Variants in SLC25A13 observed in about 807,000 individuals in gnomAD.
The protein encoded by SLC25A13 is electrogenic aspartate/glutamate antiporter SLC25A13, mitochondrial.
SLC25A13 carries 70 observed loss-of-function variants against 85.5 expected under a neutral mutation model. The observed-to-expected ratio is 0.82, with a 90% CI of 0.68 to 1.00. The LOEUF (loss-of-function observed/expected upper bound fraction) is 1.00. Ranked by LOEUF, SLC25A13 falls within the 50% of genes least tolerant of loss-of-function variation. The pLI is 0.00. For synonymous variants in SLC25A13, 259 were observed against 288.7 expected (o/e 0.90, Z 1.04); for missense variants, 765 against 819.8 (o/e 0.93, Z 0.82).
intron 3 of SLC25A13, among the ~76,000 whole-genome samples, chr7:96,270,874 T>A (rs1798214974): frequency 6.6e-6 from 1 of 152,164 alleles, no homozygotes. Flanking sequence ...TCTTCCAGCA[T>A]CTGGTGACTC....
chr7:96,125,660 G>A (rs542359884), intron 15 of SLC25A13, among the ~76,000 whole-genome samples: 5 of 151,652 alleles, frequency 3.3e-5, no homozygotes, highest in Non-Finnish European at 7.4e-5. Context: ...CTATGAAACA[G>A]ATGTTAGATT....
chr7:96,175,228 G>A (rs929910596), intron 11 of SLC25A13, among the ~76,000 whole-genome samples: 1 of 152,188 alleles, frequency 6.6e-6, no homozygotes, highest in East Asian at 1.9e-4. Flanking sequence ...ATGAGACAAT[G>A]AGCAGAATGG....
chr7:96,155,698 C>T (rs1311367486), intron 13 of SLC25A13, among the ~76,000 whole-genome samples: 4 of 152,188 alleles, frequency 2.6e-5, no homozygotes, highest in Non-Finnish European at 5.9e-5. Context: ...TGAATAACTA[C>T]GGCCCTGCAA....
chr7:96,234,824 A>G lies in SLC25A13; in HGVS notation c.306T>C (p.Ala102=), dbSNP rs565008080. Residue 102 remains alanine, a synonymous_variant, in exon 4 of 18, where the codon GCT becomes GCC. Transcript: ENST00000265631. ...FMVAFQLFDK[A]GKGEVTFEDV... is the part of the protein sequence containing the mutation. Reference sequence around the variant, plus strand: ...TACCAAAAGTTACTTCTCCTTTGCCAGCTTTGTCAAACAGCTGAAAGGCTA... The same window carrying G: ...TACCAAAAGTTACTTCTCCTTTGCCGGCTTTGTCAAACAGCTGAAAGGCTA... 5.7e-5 allele frequency: 92 copies of G among 1,613,916 alleles called. 3 individuals carry two copies. The South Asian group carries it at 9.7e-4, about 17-fold the overall frequency.
Position 96,238,027 on chromosome 7 carries a change from A to G in SLC25A13, c.213-3110T>C, listed in dbSNP as rs532047345. Among the ~76,000 whole-genome samples, 4 of 152,280 alleles carry G rather than the reference A, an allele frequency of 2.6e-5. No homozygotes were observed. In the East Asian group the frequency reaches 7.7e-4, roughly 29 times the overall value. On this transcript the variant is annotated intron_variant, in intron 3 of 17. Transcript: ENST00000265631. ...GGCAGAACTGTGTCCCCCGTCCCCA[A>G]AAATCCCAACCCCTAGAACCTCAGA...
rs541806705 is a variant in SLC25A13 at position 96,184,498 on chromosome 7, T to A, written c.1019-63A>T. 63 of 1,512,176 alleles carry A rather than the reference T, an allele frequency of 4.2e-5. No homozygotes were observed. The African/African-American group carries it at 7.9e-4, about 19-fold the overall frequency. The allele number at this position is 1,512,176 out of a possible 1,614,324, so 93.7% of individuals were successfully genotyped here. A position where few individuals can be genotyped will look rare whatever the true frequency, so the allele number is the denominator to read the frequency against. On this transcript the variant is annotated intron_variant, in intron 10 of 17. Coordinates refer to ENST00000265631, the MANE Select transcript of SLC25A13 (RefSeq NM_014251.3). ...AGATAGGTCAGAAGAAAGAAGAAGG[T>A]AGTTAAAGTCAAGGACAAGACTGAG...
intron 1 of SLC25A13, among the ~76,000 whole-genome samples, chr7:96,308,309 T>C (rs1286677372): frequency 6.6e-6 from 1 of 152,240 alleles, no homozygotes. Flanking sequence ...CCAGTTACTC[T>C]TCATATTCAG....
At chr7:96,129,407 A>T (rs774092625) in intron 15 of SLC25A13, among the ~76,000 whole-genome samples, 18 of 152,156 alleles carry the variant, frequency 1.2e-4, no homozygotes, top group Non-Finnish European at 1.6e-4. Context: ...TGGGTCAATG[A>T]CCGAAAAACA....
At chr7:96,202,622 C>T (rs1179790196) in intron 5 of SLC25A13, among the ~76,000 whole-genome samples, 2 of 152,136 alleles carry the variant, frequency 1.3e-5, no homozygotes, top group Non-Finnish European at 2.9e-5. Flanking sequence ...TTCCTGGCGA[C>T]ATAAAGTGCA....
chr7:96,131,719 G>A (rs1379657108), intron 15 of SLC25A13, 24 bp downstream of exon 15: 2 of 1,613,428 alleles, frequency 1.2e-6, no homozygotes, highest in Non-Finnish European at 1.7e-6. Context: ...AGGGAAGTAA[G>A]AGAACTCCAT....
chr7:96,279,077 G>C (rs1285561730), intron 2 of SLC25A13, among the ~76,000 whole-genome samples: 3 of 152,052 alleles, frequency 2.0e-5, no homozygotes, highest in African/African-American at 4.8e-5. Flanking sequence ...CAAAGGCTAG[G>C]CTCCCAGAAG....
chr7:96,184,807 G>T, intron 10 of SLC25A13, 120 bp downstream of exon 10: 1 of 880,886 alleles, frequency 1.1e-6, no homozygotes, highest in South Asian at 1.4e-5. Context: ...GGTAGAAACT[G>T]ATAACTGGCA....
At chr7:96,184,626 T>C in intron 10 of SLC25A13, 191 bp from the exon 11 acceptor site, 1 of 653,340 alleles carries the variant, frequency 1.5e-6, no homozygotes, top group South Asian at 1.9e-5. Context: ...TATCCCCTAA[T>C]AAAAGGATGT....
chr7:96,187,926 G>A (rs1794699858), intron 9 of SLC25A13, among the ~76,000 whole-genome samples: 1 of 152,112 alleles, frequency 6.6e-6, no homozygotes, highest in Admixed American at 6.5e-5. Context: ...AAGCGGCAGC[G>A]AATCATTTCC....
chr7:96,177,601 C>T (rs562025923), intron 11 of SLC25A13, among the ~76,000 whole-genome samples: 1 of 152,160 alleles, frequency 6.6e-6, no homozygotes. Context: ...GCCATTTTCA[C>T]GGGGTAGTCG....
chr7:96,151,253 A>G (rs1209128049), intron 13 of SLC25A13, among the ~76,000 whole-genome samples: 1 of 152,206 alleles, frequency 6.6e-6, no homozygotes, highest in African/African-American at 2.4e-5. Context: ...TCTAGCATTT[A>G]TTGAGGCTCC....
chr7:96,241,875 TCTC>T (rs1238935982), intron 3 of SLC25A13, among the ~76,000 whole-genome samples: 5 of 152,174 alleles, frequency 3.3e-5, no homozygotes, highest in Non-Finnish European at 5.9e-5. Flanking sequence ...CTCCAGTTCT[TCTC>T]CTCCTCTCTG....
chr7:96,191,241 C>T lies in SLC25A13; in HGVS notation c.622G>A (p.Gly208Arg). The change falls in exon 7 of 18, where the codon GGA (glycine) becomes AGA (arginine). Residue 208 changes from glycine to arginine, a missense_variant. Gly to Arg is a moderately radical substitution (Grantham distance 125). Coordinates refer to ENST00000265631, the MANE Select transcript of SLC25A13 (RefSeq NM_014251.3). ...CTAACTTGATGGGATGTGGTACCTC[C>T]AGCAGCCTCAAATAAATTGAAAACA... Reference protein sequence around the residue: ...FVEECLVAAAGGTTSHQVSFS... With the variant: ...FVEECLVAAARGTTSHQVSFS... 6.2e-7 allele frequency: 1 copy of T among 1,613,854 alleles called. No individual in the cohort carries two copies. The highest frequency in any genetic ancestry group is 8.5e-7 in the Non-Finnish European group (1 of 1,179,928).
chr7:96,250,739 C>CAAAAAAAAAAAAA (rs57574466), intron 3 of SLC25A13, among the ~76,000 whole-genome samples: 24 of 118,288 alleles, frequency 2.0e-4, no homozygotes, highest in African/African-American at 6.5e-4. Context: ...AGACCTGTTA[C>CAAAAAAAAAAAAA]AAAAAAAAAA....
Sources: allele counts gnomAD v4.1 joint callset (sites outside exome capture counted in the v4.1 genomes callset), GRCh38; gene constraint gnomAD v4.1.1; transcripts MANE v1.5; gene names NCBI Gene and HGNC (gene_info 2026-07-23, HGNC 2026-07-21).